Variants in GSDME observed in about 807,000 individuals in gnomAD.
The protein encoded by GSDME is gasdermin E, also known as gasdermin-E.
Under a neutral mutation model 47.5 loss-of-function variants are expected in GSDME, and 44 were observed. The ratio of observed to expected loss-of-function variants is 0.93; its 90% CI spans 0.73 to 1.19. The LOEUF (loss-of-function observed/expected upper bound fraction) is 1.19, where lower values mean the gene tolerates loss of function less well. Ranked by LOEUF, GSDME falls within the 50% of genes most tolerant of loss-of-function variation. GSDME has a pLI of 0.00. For synonymous variants in GSDME, 258 were observed against 252.8 expected, an observed-to-expected ratio of 1.02 and a Z score of -0.20; for missense variants, 663 against 604.2, an observed-to-expected ratio of 1.10 and a Z score of -1.02.
At chr7:24,780,241 G>T in the GSDME span, among the ~76,000 whole-genome samples, 3 of 152,158 alleles carry the variant, frequency 2.0e-5, no homozygotes, top group Non-Finnish European at 4.4e-5. This position sits in a 1 kb window ranked among gnomAD's most constrained non-coding sequence, Gnocchi z 4.1. Flanking sequence ...ACTTAATTTT[G>T]CCACCTGATA....
At chr7:24,707,363 G>T (rs1489692919) in intron 7 of GSDME, 1 of 471,424 alleles carries the variant, frequency 2.1e-6, no homozygotes, top group African/African-American at 2.0e-5. Flanking sequence ...GGCAGCTTGT[G>T]TGGCTCTCAC....
the GSDME span, among the ~76,000 whole-genome samples, chr7:24,785,139 T>C: frequency 6.6e-6 from 1 of 152,222 alleles, no homozygotes; most frequent in African/African-American, 2.4e-5. Flanking sequence ...AATAAACTTT[T>C]GTTGGAACAC....
the GSDME span, among the ~76,000 whole-genome samples, chr7:24,782,929 T>G: frequency 1.3e-5 from 2 of 152,200 alleles, no homozygotes; most frequent in African/African-American, 4.8e-5. Context: ...CAAAAACACA[T>G]TTTTAATGAA....
In GSDME at chr7:24,707,567, G is replaced by A. The variant is rs538565765; in HGVS notation, c.990+560C>T. The A allele has an allele frequency of 2.0e-3, 746 of 379,780 alleles. 10 individuals are homozygous for A. The highest frequency in any genetic ancestry group is 0.012 in the South Asian group (597 of 48,192). The allele number at this position is 379,780 out of a possible 1,614,324, so 23.5% of individuals were successfully genotyped here. On this transcript the variant is annotated intron_variant, in intron 7 of 9. Coordinates refer to ENST00000645220, the MANE Select transcript of GSDME (RefSeq NM_001127453.2). The stretch of plus-strand genomic sequence containing the variant: ...CATATGTTACCTGGAACCTAAGAAC[G>A]TGACCTTAGTCTTTGCAGATGTAAT...
chr7:24,712,482 C>T lies in GSDME; in HGVS notation c.698-2094G>A, dbSNP rs1046100444. ...CCTTCATTCTTTTCATCCATCCATC[C>T]CCAGCCAGCCAGCCAGCAAATATGC... On this transcript the variant is annotated intron_variant, in intron 5 of 9. Transcript: ENST00000645220. This position sits in a 1 kb window ranked among gnomAD's most constrained non-coding sequence, Gnocchi z 4.4. Among the ~76,000 whole-genome samples the T allele has an allele frequency of 1.3e-5, 2 of 152,148 alleles. No homozygotes were observed. Among genetic ancestry groups the T allele is most frequent in the African/African-American group, 4.8e-5 (2 of 41,422 alleles).
chr7:24,795,103 T>C, the GSDME span, among the ~76,000 whole-genome samples: 204 of 152,284 alleles, frequency 1.3e-3, no homozygotes, highest in African/African-American at 4.7e-3. Flanking sequence ...GTTCCAGATG[T>C]CTGGACTCCA....
chr7:24,702,770 AGT>A lies in GSDME; in HGVS notation c.1245_1246del (p.Leu416ValfsTer9). 1 of 1,613,386 alleles carries A rather than the reference AGT, an allele frequency of 6.2e-7. No individual in the cohort carries two copies. The highest frequency in any genetic ancestry group is 2.2e-5 in the East Asian group (1 of 44,826). On this transcript the variant is annotated frameshift_variant, in exon 9 of 10. Transcript: ENST00000645220. LOFTEE classifies it low-confidence loss of function (END_TRUNC). ...TGGGAGGTTGCTTACCAAGTGGCAC[AGT>A]GTGGGAATGATCTGGAGTTTGCAGC... is the stretch of plus-strand genomic sequence containing the variant.
rs3038357 is a variant in GSDME, at chr7:24,744,984, CGTGTGTGTGTGTGTGTGTGTGTGTGT to C, written c.212-256_212-231del. On this transcript the variant is annotated intron_variant, in intron 2 of 9. Coordinates refer to ENST00000645220, the MANE Select transcript of GSDME (RefSeq NM_001127453.2). This position sits in a 1 kb window ranked among gnomAD's most constrained non-coding sequence, Gnocchi z 4.5. ...GGGCACACAGTGGACCAGTGCAGCA[CGTGTGTGTGTGTGTGTGTGTGTGTGT>C]GTGTGTGTGTGTGTGTGTGTGTGTG... is the stretch of plus-strand genomic sequence containing the variant. Among the ~76,000 whole-genome samples, 93 of 119,068 alleles carry C rather than the reference CGTGTGTGTGTGTGTGTGTGTGTGTGT, an allele frequency of 7.8e-4. No individual in the cohort carries two copies. The highest frequency in any genetic ancestry group is 1.1e-3 in the Non-Finnish European group (62 of 56,302). The allele number at this position is 119,068 out of a possible 152,430, so 78.1% of individuals were successfully genotyped here. A position where few individuals can be genotyped will look rare whatever the true frequency, so the allele number is the denominator to read the frequency against.
At chr7:24,718,238 A>G (rs1321941696) in intron 4 of GSDME, among the ~76,000 whole-genome samples, 1 of 152,182 alleles carries the variant, frequency 6.6e-6, no homozygotes, top group Non-Finnish European at 1.5e-5. Flanking sequence ...CCTTCCAAAT[A>G]CAACTTTCTG....
In GSDME at chr7:24,714,870, T is replaced by C. The variant is rs1789488439; in HGVS notation, c.697+2384A>G. Among the ~76,000 whole-genome samples, 1 of 152,172 alleles carries C rather than the reference T, an allele frequency of 6.6e-6. No homozygotes were observed. The highest frequency in any genetic ancestry group is 2.4e-5 in the African/African-American group (1 of 41,428). ...CGCCACCGAAGGGTCCGCAGAGCACTCCTGGGCATCCTCAGGTGCATGCCA... is the reference window on the plus strand; with the variant it reads ...CGCCACCGAAGGGTCCGCAGAGCACCCCTGGGCATCCTCAGGTGCATGCCA... On this transcript the variant is annotated intron_variant, in intron 5 of 9. Transcript: ENST00000645220. The surrounding 1 kb of genome is among the most constrained non-coding windows in gnomAD (Gnocchi z 5.0).
In GSDME at chr7:24,744,657, C is replaced by T; in HGVS notation, c.309G>A (p.Leu103=). ...ETALGKVKLN[L]GGSSRVESQS... ...GGCTCTCTACGCGGCTGCTGCCCCC[C>T]AGGTTCAGCTTGACCTTCCCCAGTG... The change falls in exon 3 of 10, where the codon CTG becomes CTA. Residue 103 remains leucine (L), a synonymous_variant. Transcript: ENST00000645220. This position sits in a 1 kb window ranked among gnomAD's most constrained non-coding sequence, Gnocchi z 4.5. The T allele has an allele frequency of 6.2e-7, 1 of 1,614,196 alleles. No homozygotes were observed. Among genetic ancestry groups the T allele is most frequent in the South Asian group, 1.1e-5 (1 of 91,078 alleles).
chr7:24,734,109 A>C (rs1790227409), intron 3 of GSDME, among the ~76,000 whole-genome samples: 1 of 152,220 alleles, frequency 6.6e-6, no homozygotes, highest in African/African-American at 2.4e-5. Flanking sequence ...GGAGAAAGTA[A>C]GGGAAGAGAA....
intron 9 of GSDME, among the ~76,000 whole-genome samples, chr7:24,701,320 CA>C (rs1201928050): frequency 2.0e-5 from 3 of 152,186 alleles, no homozygotes; most frequent in Non-Finnish European, 4.4e-5. Flanking sequence ...GCAGAATGTG[CA>C]GAAGCAGAAT....
chr7:24,702,908 C>CG, intron 8 of GSDME, 75 bp from the exon 9 acceptor site: 1 of 1,297,222 alleles, frequency 7.7e-7, no homozygotes, highest in African/African-American at 1.5e-5. Context: ...CTGGATGGCA[C>CG]CTAACTTATA....
chr7:24,776,180 CA>C, the GSDME span, among the ~76,000 whole-genome samples: 72 of 70,698 alleles, frequency 1.0e-3, 1 homozygote, highest in Admixed American at 2.3e-3. Flanking sequence ...AACTCCATCT[CA>C]AAAAAAAAAA....
In GSDME at chr7:24,705,403, G is replaced by C. The variant is rs1789053775; in HGVS notation, c.1183+781C>G. On this transcript the variant is annotated intron_variant, in intron 8 of 9. Coordinates refer to ENST00000645220, the MANE Select transcript of GSDME (RefSeq NM_001127453.2). The surrounding 1 kb of genome is among the most constrained non-coding windows in gnomAD (Gnocchi z 4.1). ...TTCTTTAAAAACTGAAGATTACTGG[G>C]TCTGTTTCTGTGTGGTGCTAGGGAG... The C allele has an allele frequency of 6.6e-6, 1 of 152,538 alleles. No individual in the cohort carries two copies. The highest frequency in any genetic ancestry group is 6.5e-5 in the Admixed American group (1 of 15,310). 9.4% of individuals were successfully genotyped at this position (152,538 alleles called of 1,614,324 possible).
At position 24,739,072 on chromosome 7, in the gene GSDME, G is replaced by A. The variant is rs1174720574; in HGVS notation, c.404+5490C>T. ...GAAACTCTCTAGGACATTGAACTGG[G>A]CAAAGGTTTCTTGAGTAACATCCCA... is the stretch of plus-strand genomic sequence containing the variant. On this transcript the variant is annotated intron_variant, in intron 3 of 9. Coordinates refer to ENST00000645220, the MANE Select transcript of GSDME (RefSeq NM_001127453.2). The surrounding 1 kb of genome is among the most constrained non-coding windows in gnomAD (Gnocchi z 5.1). 6.6e-6 allele frequency among the ~76,000 whole-genome samples: 1 copy of A among 152,138 alleles called. No individual in the cohort carries two copies. Among genetic ancestry groups the A allele is most frequent in the East Asian group, 1.9e-4 (1 of 5,194 alleles).
chr7:24,781,051 G>A, the GSDME span, among the ~76,000 whole-genome samples: 6 of 152,192 alleles, frequency 3.9e-5, no homozygotes, highest in Non-Finnish European at 7.3e-5. Context: ...TTGGTCTAGT[G>A]ATGGGGAAAT....
chr7:24,758,490 T>G (rs1791109568), upstream of GSDME, among the ~76,000 whole-genome samples: 1 of 152,208 alleles, frequency 6.6e-6, no homozygotes, highest in South Asian at 2.1e-4. This position sits in a 1 kb window ranked among gnomAD's most constrained non-coding sequence, Gnocchi z 4.6. Context: ...GTGTATCGTC[T>G]TCACTGTGCA....
Sources: gnomAD v4.1 joint callset for allele counts (sites outside exome capture counted in the v4.1 genomes callset) on GRCh38, gnomAD v4.1.1 for gene constraint, Gnocchi (gnomAD v3.1) non-coding constraint, MANE v1.5 for transcripts, NCBI Gene and HGNC (gene_info 2026-07-23, HGNC 2026-07-21) for gene names.